PHC1: variants seen among roughly 807,000 people sequenced by gnomAD.
The protein encoded by PHC1 is polyhomeotic homolog 1, also known as polyhomeotic-like protein 1.
A neutral mutation model predicts 104.3 loss-of-function variants in PHC1; 12 were observed. The ratio of observed to expected loss-of-function variants is 0.12; its 90% CI spans 0.07 to 0.19. The LOEUF (loss-of-function observed/expected upper bound fraction) is 0.19. PHC1 is among the 10% of genes least tolerant of loss of function. The probability of loss-of-function intolerance (pLI) is 1.00; values close to 1 mark genes in which losing one functional copy is unlikely to be tolerated. For synonymous variants in PHC1, 302 were observed against 455.8 expected (o/e 0.66, Z 4.30); for missense variants, 671 against 1,200.0 (o/e 0.56, Z 6.51).
Position 8,925,314 on chromosome 12 carries a change from T to TTAA in PHC1, c.612+2529_612+2531dup, listed in dbSNP as rs1169557167. Among the ~76,000 whole-genome samples, 5 of 152,322 alleles carry TTAA rather than the reference T, an allele frequency of 3.3e-5. No homozygotes were observed. The South Asian group carries it at 1.0e-3, about 32-fold the overall frequency. ...GAGTGTTTAGGAGAAACTACTGCTA[T>TTAA]TAATATATCAAACATTCCTTAGCGT... On this transcript the variant is annotated intron_variant, in intron 6 of 14. Transcript: ENST00000544916.
At position 8,938,849 on chromosome 12, in the gene PHC1, G is replaced by A. The variant is rs140386447; in HGVS notation, c.2861-456G>A. The stretch of plus-strand genomic sequence containing the variant: ...TTGTTGTTGTTGTTGTTTTGAGACA[G>A]AGTCTTACTCTGTTGCCCAGGCTGG... On this transcript the variant is annotated intron_variant, in intron 14 of 14. Coordinates refer to ENST00000544916, the MANE Select transcript of PHC1 (RefSeq NM_004426.3). 2.2e-3 allele frequency among the ~76,000 whole-genome samples: 342 copies of A among 152,126 alleles called. 3 individuals are homozygous for A. Among genetic ancestry groups the A allele is most frequent in the African/African-American group, 8.0e-3 (331 of 41,476 alleles).
At chr12:8,921,453 T>C in intron 4 of PHC1, 148 bp from the exon 5 acceptor site, 1 of 750,268 alleles carries the variant, frequency 1.3e-6, no homozygotes, top group South Asian at 1.7e-5. Context: ...GATGACAGTT[T>C]TGGATATGAA....
chr12:8,937,397 T>A, intron 13 of PHC1, 71 bp downstream of exon 13: 4 of 1,346,262 alleles, frequency 3.0e-6, no homozygotes, highest in Non-Finnish European at 4.0e-6. Flanking sequence ...GGGCAATTCA[T>A]TTGCCCAGGT....
rs764018625 is a variant in PHC1, at chr12:8,932,557, C to G, written c.1106-6C>G. ...TCTCTGTTGTATTCTGGGATTGTTCCTATAGCCACCTACACACAGATCCAG... is the reference window on the plus strand; with the variant it reads ...TCTCTGTTGTATTCTGGGATTGTTCGTATAGCCACCTACACACAGATCCAG... On this transcript the variant is annotated splice_region_variant and splice_polypyrimidine_tract_variant and intron_variant, in intron 7 of 14. Coordinates refer to ENST00000544916, the MANE Select transcript of PHC1 (RefSeq NM_004426.3). The G allele has an allele frequency of 1.9e-5, 30 of 1,612,306 alleles. No homozygotes were observed. Among genetic ancestry groups the G allele is most frequent in the Middle Eastern group, 1.6e-4 (1 of 6,078 alleles).
At position 8,940,293 on chromosome 12, in the gene PHC1, G is replaced by C. The variant is rs1187801404; in HGVS notation, c.*834G>C. ...ATATTTTTTTCCTCAGTAAAAGGAT[G>C]AAAATTGGTTTCAGTTGTCTTACTC... On this transcript the variant is annotated 3_prime_UTR_variant, in exon 15 of 15. Coordinates refer to ENST00000544916, the MANE Select transcript of PHC1 (RefSeq NM_004426.3). 1 of 164,238 alleles carries C rather than the reference G, an allele frequency of 6.1e-6. No homozygotes were observed. The highest frequency in any genetic ancestry group is 1.6e-4 in the East Asian group (1 of 6,324). The allele number at this position is 164,238 out of a possible 1,614,324, so 10.2% of individuals were successfully genotyped here. A position where few individuals can be genotyped will look rare whatever the true frequency, so the allele number is the denominator to read the frequency against.
intron 10 of PHC1, among the ~76,000 whole-genome samples, chr12:8,934,679 A>C (rs1945784694): frequency 6.6e-6 from 1 of 152,350 alleles, no homozygotes; most frequent in East Asian, 1.9e-4. Context: ...GGAGAAAAAA[A>C]GGAAGAAAGT....
At chr12:8,932,505 A>G (rs1430174363) in intron 7 of PHC1, 58 bp from the exon 8 acceptor site, 2 of 1,554,962 alleles carry the variant, frequency 1.3e-6, no homozygotes, top group East Asian at 2.3e-5. Flanking sequence ...TTAATTTAGA[A>G]TGATTATTAT....
intron 8 of PHC1, 198 bp downstream of exon 8, chr12:8,933,548 T>G: frequency 1.3e-6 from 1 of 790,174 alleles, no homozygotes; most frequent in Non-Finnish European, 1.9e-6. Flanking sequence ...CTGATACTAT[T>G]CTGGGTTTTT....
At chr12:8,933,482 C>A in intron 8 of PHC1, 132 bp downstream of exon 8, 1 of 1,128,668 alleles carries the variant, frequency 8.9e-7, no homozygotes, top group Non-Finnish European at 1.2e-6. Flanking sequence ...TCTGCTTCTT[C>A]TGTAAGAGAG....
chr12:8,925,134 A>G (rs1311598810), intron 6 of PHC1, among the ~76,000 whole-genome samples: 1 of 152,174 alleles, frequency 6.6e-6, no homozygotes, highest in Admixed American at 6.5e-5. Context: ...CAGCTCCACT[A>G]CTTACTGTGT....
Position 8,934,016 on chromosome 12 carries a change from A to G in PHC1, c.2041+4A>G. 5.6e-6 allele frequency: 9 copies of G among 1,614,024 alleles called. No homozygotes were observed. Among genetic ancestry groups the G allele is most frequent in the Non-Finnish European group, 7.6e-6 (9 of 1,179,860 alleles). ...GACGAGAAGAGCAGTCTTGGAGGTG[A>G]GTAACTGACTTCTAATGCTGTTGGA... On this transcript the variant is annotated splice_donor_region_variant and intron_variant, in intron 9 of 14. Coordinates refer to ENST00000544916, the MANE Select transcript of PHC1 (RefSeq NM_004426.3).
At chr12:8,931,004 T>C in intron 7 of PHC1, 77 bp downstream of exon 7, 4 of 1,458,952 alleles carry the variant, frequency 2.7e-6, no homozygotes, top group African/African-American at 1.4e-5. Flanking sequence ...TTTGCCTTTT[T>C]TTCTTTGCCT....
intron 6 of PHC1, among the ~76,000 whole-genome samples, chr12:8,928,143 G>A (rs1052129422): frequency 6.6e-6 from 1 of 151,852 alleles, no homozygotes; most frequent in African/African-American, 2.4e-5. Context: ...CCTGAGCTCA[G>A]GCAGTCTGCC....
At chr12:8,923,498 T>C (rs539673262) in intron 6 of PHC1, among the ~76,000 whole-genome samples, 1 of 152,196 alleles carries the variant, frequency 6.6e-6, no homozygotes, top group Non-Finnish European at 1.5e-5. Context: ...CATCTCTGGC[T>C]TCCACATCTG....
intron 3 of PHC1, 169 bp downstream of exon 3, chr12:8,920,035 C>T (rs886298532): frequency 1.9e-6 from 2 of 1,029,798 alleles, no homozygotes; most frequent in Non-Finnish European, 2.8e-6. Context: ...TCTGGGGTTG[C>T]AGTAAGAACC....
At chr12:8,923,655 C>T (rs1039016288) in intron 6 of PHC1, among the ~76,000 whole-genome samples, 5 of 151,728 alleles carry the variant, frequency 3.3e-5, no homozygotes, top group Non-Finnish European at 5.9e-5. Context: ...GGTGAAACCC[C>T]GTCTCTACTA....
At chr12:8,938,176 T>C in intron 14 of PHC1, 116 bp downstream of exon 14, 2 of 675,398 alleles carry the variant, frequency 3.0e-6, no homozygotes, top group East Asian at 2.7e-5. Flanking sequence ...AATGCTAATA[T>C]AGAGGCTCTA....
At chr12:8,927,061 C>G (rs1408131690) in intron 6 of PHC1, among the ~76,000 whole-genome samples, 1 of 152,156 alleles carries the variant, frequency 6.6e-6, no homozygotes, top group Admixed American at 6.5e-5. Flanking sequence ...TGGGAAAGAG[C>G]AGCAGATAGG....
chr12:8,920,707 C>CA (rs1349019358), intron 3 of PHC1, among the ~76,000 whole-genome samples: 2 of 151,798 alleles, frequency 1.3e-5, no homozygotes, highest in Non-Finnish European at 2.9e-5. Context: ...GACTCCTTCT[C>CA]AAAAAAAATA....
Sources: allele counts gnomAD v4.1 joint callset (sites outside exome capture counted in the v4.1 genomes callset), GRCh38; gene constraint gnomAD v4.1.1; transcripts MANE v1.5; gene names NCBI Gene and HGNC (gene_info 2026-07-23, HGNC 2026-07-21).